Variants in FKBP1A observed in about 807,000 individuals in gnomAD.
FKBP1A encodes peptidyl-prolyl cis-trans isomerase FKBP1A.
FKBP1A carries 5 observed loss-of-function variants against 14.2 expected under a neutral mutation model. The observed-to-expected ratio is 0.35, with a 90% CI of 0.18 to 0.74. The LOEUF is 0.74. FKBP1A is among the 30% of genes least tolerant of loss of function. FKBP1A has a pLI of 0.56. For synonymous variants in FKBP1A, 42 were observed against 49.1 expected, an observed-to-expected ratio of 0.86 and a Z score of 0.60; for missense variants, 53 against 138.8, an observed-to-expected ratio of 0.38 and a Z score of 3.10.
chr20:1,392,786 G>C, intron 2 of FKBP1A, 48 bp downstream of exon 2: 2 of 1,424,434 alleles, frequency 1.4e-6, no homozygotes, highest in Non-Finnish European at 1.9e-6. Context: ...CCGCACCCGG[G>C]CTGCGGACTG....
intron 4 of FKBP1A, chr20:1,371,228 A>G (rs1338387251): frequency 2.0e-6 from 2 of 984,550 alleles, no homozygotes; most frequent in East Asian, 2.3e-4. Context: ...TAATGATTCT[A>G]ACACTTACAT....
intron 4 of FKBP1A, chr20:1,370,879 G>A (rs2089454708): frequency 7.1e-6 from 7 of 985,334 alleles, no homozygotes; most frequent in Middle Eastern, 1.0e-3. Context: ...AGACCTCTGG[G>A]CAGACAAAGG....
At chr20:1,378,034 C>T (rs1453172594) in intron 2 of FKBP1A, 3 of 136,126 alleles carry the variant, frequency 2.2e-5, no homozygotes. Flanking sequence ...AATCCAAGCC[C>T]TTCCCCTATA....
chr20:1,373,609 C>T (rs1297622324), intron 3 of FKBP1A, among the ~76,000 whole-genome samples: 2 of 152,132 alleles, frequency 1.3e-5, no homozygotes, highest in East Asian at 3.8e-4. Context: ...GTGACTGACC[C>T]CAAAATACCA....
At chr20:1,380,853 T>A (rs1459184485) in intron 2 of FKBP1A, among the ~76,000 whole-genome samples, 1 of 152,146 alleles carries the variant, frequency 6.6e-6, no homozygotes, top group Non-Finnish European at 1.5e-5. Flanking sequence ...GACTCCAACT[T>A]TCAGAGATGA....
At chr20:1,381,525 TTAAGTTA>T (rs1266818034) in intron 2 of FKBP1A, among the ~76,000 whole-genome samples, 2 of 152,188 alleles carry the variant, frequency 1.3e-5, no homozygotes, top group Non-Finnish European at 2.9e-5. Context: ...AGCTTGATAG[TTAAGTTA>T]AACATACACC....
chr20:1,389,968 C>T (rs2089713777), intron 2 of FKBP1A, among the ~76,000 whole-genome samples: 1 of 152,164 alleles, frequency 6.6e-6, no homozygotes, highest in South Asian at 2.1e-4. Context: ...CCTCTGGTAC[C>T]ACAGAGGTAG....
intron 2 of FKBP1A, chr20:1,391,744 G>A: frequency 3.1e-6 from 1 of 321,778 alleles, no homozygotes; most frequent in Admixed American, 6.7e-5. Flanking sequence ...AGGAGGAAGA[G>A]GAGGAGAGGG....
intron 2 of FKBP1A, among the ~76,000 whole-genome samples, chr20:1,385,346 C>T (rs1187457407): frequency 6.6e-6 from 1 of 152,130 alleles, no homozygotes; most frequent in Non-Finnish European, 1.5e-5. Flanking sequence ...GCCGAGATTG[C>T]ACCAGGGCAC....
intron 2 of FKBP1A, among the ~76,000 whole-genome samples, chr20:1,382,703 T>C (rs2089630003): frequency 6.6e-6 from 1 of 152,196 alleles, no homozygotes; most frequent in Non-Finnish European, 1.5e-5. Context: ...TGGTAAACTT[T>C]ACTTTAAGCA....
Position 1,392,834 on chromosome 20 carries a change from C to T in FKBP1A, c.85G>A (p.Gly29Arg). Reference protein sequence around the residue: ...RGQTCVVHYTGMLEDGKKFDS... With the variant: ...RGQTCVVHYTRMLEDGKKFDS... ...CCTCCCCGCTGGGCCCCCGACTCAC[C>T]GGTGTAGTGCACCACGCAGGTCTGG... The change falls in exon 2 of 5, where the codon GGG (glycine) becomes AGG (arginine). Residue 29 changes from glycine (G) to arginine (R), a missense_variant and splice_region_variant. Transcript: ENST00000400137. 5 of 1,502,386 alleles carry T rather than the reference C, an allele frequency of 3.3e-6. No homozygotes were observed. The highest frequency in any genetic ancestry group is 2.8e-5 in the East Asian group (1 of 36,250). 93.1% of individuals were successfully genotyped at this position (1,502,386 alleles called of 1,614,324 possible). A position where few individuals can be genotyped will look rare whatever the true frequency, so the allele number is the denominator to read the frequency against.
chr20:1,383,879 T>C (rs1568590649), intron 2 of FKBP1A, among the ~76,000 whole-genome samples: 1 of 149,622 alleles, frequency 6.7e-6, no homozygotes, highest in Non-Finnish European at 1.5e-5. Flanking sequence ...TGGGTGGAGG[T>C]AGGGGGAGCC....
chr20:1,387,028 A>G (rs2089675373), intron 2 of FKBP1A, among the ~76,000 whole-genome samples: 1 of 152,260 alleles, frequency 6.6e-6, no homozygotes, highest in East Asian at 1.9e-4. Flanking sequence ...GGCTTCTTCC[A>G]TGGGAAACAG....
At chr20:1,378,552 A>G (rs2089579212) in intron 2 of FKBP1A, 1 of 152,114 alleles carries the variant, frequency 6.6e-6, no homozygotes, top group African/African-American at 2.4e-5. Flanking sequence ...ATGATGTGTC[A>G]ATGCAGGTTC....
At chr20:1,370,235 G>C in intron 4 of FKBP1A, 163 bp from the exon 5 acceptor site, 13 of 985,460 alleles carry the variant, frequency 1.3e-5, no homozygotes, top group Non-Finnish European at 1.6e-5. Flanking sequence ...AGAAAGACTT[G>C]GGCTGGGTCC....
chr20:1,372,243 G>C lies in FKBP1A; in HGVS notation c.199-3C>G. On this transcript the variant is annotated splice_polypyrimidine_tract_variant and splice_region_variant and intron_variant, in intron 3 of 4. Transcript: ENST00000400137. ...TTGGCTCTCTGACCCACACTCATCT[G>C]TGAAAAGAACAAGGAAGACAGACTC... 1 of 1,613,444 alleles carries C rather than the reference G, an allele frequency of 6.2e-7. No homozygotes were observed. Among genetic ancestry groups the C allele is most frequent in the Non-Finnish European group, 8.5e-7 (1 of 1,179,640 alleles).
At chr20:1,375,795 G>A (rs2089533493) in intron 2 of FKBP1A, among the ~76,000 whole-genome samples, 192 bp from the exon 3 acceptor site, 2 of 152,076 alleles carry the variant, frequency 1.3e-5, no homozygotes, top group Non-Finnish European at 2.9e-5. Context: ...ACCTGTGAAT[G>A]CTCTTCCCTG....
chr20:1,381,887 A>G (rs2089620039), intron 2 of FKBP1A, among the ~76,000 whole-genome samples: 1 of 152,224 alleles, frequency 6.6e-6, no homozygotes, highest in Admixed American at 6.5e-5. Flanking sequence ...CACTGACAAA[A>G]AAGCATATCA....
chr20:1,380,044 T>C (rs986940624), intron 2 of FKBP1A, among the ~76,000 whole-genome samples: 3 of 152,106 alleles, frequency 2.0e-5, no homozygotes, highest in Non-Finnish European at 4.4e-5. Flanking sequence ...AGGATCAGAT[T>C]TGTTCATGAA....
Sources: gnomAD v4.1 joint callset for allele counts (sites outside exome capture counted in the v4.1 genomes callset) on GRCh38, gnomAD v4.1.1 for gene constraint, MANE v1.5 for transcripts, NCBI Gene and HGNC (gene_info 2026-07-23, HGNC 2026-07-21) for gene names.